Variants in NREP observed in about 807,000 individuals in gnomAD.
The protein encoded by NREP is neuronal regeneration-related protein.
Under a neutral mutation model 8.6 loss-of-function variants are expected in NREP, and 5 were observed. The observed-to-expected ratio is 0.58, with a 90% CI of 0.30 to 1.22. NREP has a LOEUF of 1.22. Ranked by LOEUF, NREP falls within the 50% of genes most tolerant of loss-of-function variation. The probability of loss-of-function intolerance (pLI) is 0.07; values close to 1 mark genes in which losing one functional copy is unlikely to be tolerated. For missense variants in NREP, 86 were observed against 82.5 expected, an observed-to-expected ratio of 1.04 and a Z score of -0.17; for synonymous variants, 27 against 28.0, an observed-to-expected ratio of 0.96 and a Z score of 0.11.
At chr5:111,909,852 C>T (rs1754865950) in intron 2 of NREP, among the ~76,000 whole-genome samples, 1 of 152,050 alleles carries the variant, frequency 6.6e-6, no homozygotes, top group Admixed American at 6.6e-5. Flanking sequence ...ACATGTTATG[C>T]AAAATTGGAT....
chr5:111,904,504 T>C (rs936948699), intron 2 of NREP, among the ~76,000 whole-genome samples: 8 of 152,152 alleles, frequency 5.3e-5, no homozygotes, highest in African/African-American at 1.9e-4. Context: ...ATTGGAATTA[T>C]ATAGTATGTA....
chr5:111,872,522 C>G (rs948045240), intron 2 of NREP, among the ~76,000 whole-genome samples: 5 of 152,130 alleles, frequency 3.3e-5, no homozygotes, highest in Non-Finnish European at 5.9e-5. Flanking sequence ...CAAGCTTGAT[C>G]TTTAGGAAGT....
intron 2 of NREP, among the ~76,000 whole-genome samples, chr5:111,841,466 G>T (rs1369859927): frequency 6.6e-6 from 1 of 152,152 alleles, no homozygotes; most frequent in Non-Finnish European, 1.5e-5. Flanking sequence ...TATAGCAGTA[G>T]CTGGACTAAA....
At chr5:111,742,146 C>A (rs1317716195) in intron 2 of NREP, among the ~76,000 whole-genome samples, 4 of 152,144 alleles carry the variant, frequency 2.6e-5, no homozygotes, top group Admixed American at 2.6e-4. Context: ...ACTACGGGCA[C>A]AGAAAGCGTT....
At chr5:111,948,302 A>G (rs1469026902) in intron 2 of NREP, among the ~76,000 whole-genome samples, 2 of 152,110 alleles carry the variant, frequency 1.3e-5, no homozygotes, top group African/African-American at 4.8e-5. Context: ...AGCTGTGGAG[A>G]AAATAGACTG....
intron 3 of NREP, 104 bp from the exon 4 acceptor site, chr5:111,731,150 A>G: frequency 1.4e-5 from 17 of 1,232,262 alleles, no homozygotes; most frequent in Non-Finnish European, 1.9e-5. Flanking sequence ...TGCCCAGCCC[A>G]CATTATACCC....
intron 2 of NREP, among the ~76,000 whole-genome samples, chr5:111,781,937 G>A (rs1263444031): frequency 2.0e-5 from 3 of 151,982 alleles, no homozygotes; most frequent in Non-Finnish European, 4.4e-5. Flanking sequence ...TACTAACCAT[G>A]TGATTAAAAA....
At chr5:111,766,262 G>T (rs1751080861) in intron 2 of NREP, among the ~76,000 whole-genome samples, 1 of 152,058 alleles carries the variant, frequency 6.6e-6, no homozygotes. Flanking sequence ...GTAAGAATTT[G>T]ACTCTGTGAC....
chr5:111,942,738 T>C (rs886459846), intron 2 of NREP, among the ~76,000 whole-genome samples: 1 of 152,040 alleles, frequency 6.6e-6, no homozygotes, highest in Admixed American at 6.6e-5. Flanking sequence ...TCATCACCCA[T>C]ATAATTAAGA....
chr5:111,774,673 A>T (rs1561661360), intron 2 of NREP, among the ~76,000 whole-genome samples: 1 of 152,164 alleles, frequency 6.6e-6, no homozygotes, highest in Non-Finnish European at 1.5e-5. Flanking sequence ...ACAGCCAGTA[A>T]GGAAATGGGG....
chr5:111,900,770 A>T (rs1160621362), intron 2 of NREP, among the ~76,000 whole-genome samples: 2 of 152,126 alleles, frequency 1.3e-5, no homozygotes, highest in African/African-American at 4.8e-5. Context: ...GTAATAAAAA[A>T]AGTCTCCTAA....
In NREP at chr5:111,886,525, A is replaced by G. The variant is rs1296324061; in HGVS notation, c.135+88749T>C. ...CTGCTATAAAGACACATGCACACGTATGTTTATTGCGGCATTATTCACAAT... is the reference window on the plus strand; with the variant it reads ...CTGCTATAAAGACACATGCACACGTGTGTTTATTGCGGCATTATTCACAAT... On this transcript the variant is annotated intron_variant, in intron 2 of 3. Transcript: ENST00000395634. Among the ~76,000 whole-genome samples the G allele has an allele frequency of 1.3e-5, 2 of 151,798 alleles. 1 individual carries two copies. Among genetic ancestry groups the G allele is most frequent in the African/African-American group, 4.8e-5 (2 of 41,248 alleles).
chr5:111,894,789 C>G (rs1022755839), intron 2 of NREP, among the ~76,000 whole-genome samples: 5 of 152,220 alleles, frequency 3.3e-5, no homozygotes, highest in African/African-American at 7.2e-5. Context: ...ATCATCACCA[C>G]ACTCGGGTAA....
At chr5:111,921,696 T>C (rs2112581559) in intron 2 of NREP, among the ~76,000 whole-genome samples, 1 of 152,302 alleles carries the variant, frequency 6.6e-6, no homozygotes, top group South Asian at 2.1e-4. Context: ...CTACACTTGC[T>C]ATGATTCCCA....
intron 2 of NREP, among the ~76,000 whole-genome samples, chr5:111,811,723 C>A (rs943095492): frequency 1.3e-5 from 2 of 152,128 alleles, no homozygotes; most frequent in African/African-American, 4.8e-5. Context: ...TAATGTTAAA[C>A]TGAAGCTCAG....
At chr5:111,881,889 G>A (rs972528089) in intron 2 of NREP, among the ~76,000 whole-genome samples, 7 of 152,108 alleles carry the variant, frequency 4.6e-5, no homozygotes, top group Admixed American at 2.6e-4. Context: ...AAAAAACAGA[G>A]CAGAAAAACT....
At chr5:111,946,370 C>T (rs1318988751) in intron 2 of NREP, among the ~76,000 whole-genome samples, 3 of 152,044 alleles carry the variant, frequency 2.0e-5, no homozygotes, top group Non-Finnish European at 4.4e-5. Context: ...TGAAGTTCTT[C>T]ACAATGTTAA....
intron 2 of NREP, chr5:111,975,165 T>A: frequency 1.4e-6 from 1 of 726,320 alleles, no homozygotes; most frequent in Admixed American, 2.3e-5. Context: ...CACGGGGCAA[T>A]GGTGGGAATG....
chr5:111,880,828 C>G (rs1248308233), intron 2 of NREP, among the ~76,000 whole-genome samples: 4 of 149,926 alleles, frequency 2.7e-5, no homozygotes, highest in Non-Finnish European at 5.9e-5. Context: ...CCTCAACATC[C>G]CAGGCTCATA....
Sources: gnomAD v4.1 joint callset for allele counts (sites outside exome capture counted in the v4.1 genomes callset) on GRCh38, gnomAD v4.1.1 for gene constraint, MANE v1.5 for transcripts, NCBI Gene and HGNC (gene_info 2026-07-23, HGNC 2026-07-21) for gene names.